Variants in IGDCC3 observed in about 807,000 individuals in gnomAD.
IGDCC3 encodes putative neuronal cell adhesion molecule.
Under a neutral mutation model 72.0 loss-of-function variants are expected in IGDCC3, and 47 were observed. The observed-to-expected ratio is 0.65, with a 90% CI of 0.52 to 0.83. IGDCC3 has a LOEUF of 0.83. IGDCC3 is among the 40% of genes least tolerant of loss of function. The pLI, the probability that IGDCC3 is intolerant of heterozygous loss-of-function variation, is 0.00. For missense variants in IGDCC3, 1,038 were observed against 1,091.3 expected (o/e 0.95, Z 0.69); for synonymous variants, 477 against 472.8 (o/e 1.01, Z -0.11).
intron 2 of IGDCC3, among the ~76,000 whole-genome samples, chr15:65,349,868 G>A (rs2091158275): frequency 1.3e-5 from 2 of 152,208 alleles, no homozygotes; most frequent in Non-Finnish European, 2.9e-5. Context: ...AAATAGAGAT[G>A]GGCCCATCCT....
intron 2 of IGDCC3, among the ~76,000 whole-genome samples, chr15:65,366,786 T>G (rs575805629): frequency 6.6e-4 from 100 of 152,190 alleles, no homozygotes; most frequent in Non-Finnish European, 1.2e-3. Context: ...TTCAGGCCTC[T>G]CTGCTCAGCC....
At chr15:65,341,225 T>C (rs2091078586) in intron 2 of IGDCC3, among the ~76,000 whole-genome samples, 1 of 152,064 alleles carries the variant, frequency 6.6e-6, no homozygotes, top group Non-Finnish European at 1.5e-5. Context: ...ATACAGAAAA[T>C]AGCAACTGTT....
chr15:65,357,933 A>C (rs2140162135), intron 2 of IGDCC3, among the ~76,000 whole-genome samples: 1 of 152,202 alleles, frequency 6.6e-6, no homozygotes, highest in East Asian at 1.9e-4. Context: ...AAAAAGATAA[A>C]AGCTAAGCTG....
chr15:65,338,636 C>T (rs60609857), intron 2 of IGDCC3, among the ~76,000 whole-genome samples: 102 of 152,306 alleles, frequency 6.7e-4, no homozygotes, highest in African/African-American at 2.2e-3. Context: ...CTCCTCCTTC[C>T]CTCCCTTCCT....
Position 65,377,956 on chromosome 15 carries a change from G to C in IGDCC3, c.-168C>G, listed in dbSNP as rs1373782981. ...CCTGCTCAGCAGCGCGGGGGGCGCA[G>C]GGGGAGCGCCGCTTGCGCCATCTTG... On this transcript the variant is annotated 5_prime_UTR_variant, in exon 1 of 14. Coordinates refer to ENST00000327987, the MANE Select transcript of IGDCC3 (RefSeq NM_004884.4). This position sits in a 1 kb window ranked among gnomAD's most constrained non-coding sequence, Gnocchi z 4.9. The C allele has an allele frequency of 5.6e-6, 3 of 537,774 alleles. No individual in the cohort carries two copies. In the African/African-American group the frequency reaches 6.1e-5, roughly 11 times the overall value. 33.3% of individuals were successfully genotyped at this position (537,774 alleles called of 1,614,324 possible). A position where few individuals can be genotyped will look rare whatever the true frequency, so the allele number is the denominator to read the frequency against.
At chr15:65,333,998 C>T (rs2091002761) in intron 5 of IGDCC3, among the ~76,000 whole-genome samples, 1 of 151,828 alleles carries the variant, frequency 6.6e-6, no homozygotes. Flanking sequence ...CCCCCACCCC[C>T]ACCAGGATCA....
At chr15:65,363,649 A>G (rs867210844) in intron 2 of IGDCC3, among the ~76,000 whole-genome samples, 1 of 135,406 alleles carries the variant, frequency 7.4e-6, no homozygotes, top group African/African-American at 3.2e-5. Flanking sequence ...CCTGCTGCCC[A>G]CCCCCGCCAC....
intron 2 of IGDCC3, among the ~76,000 whole-genome samples, chr15:65,351,179 G>T (rs924953773): frequency 2.6e-5 from 4 of 152,194 alleles, no homozygotes; most frequent in Non-Finnish European, 5.9e-5. Context: ...AAGCACAACA[G>T]GTTTTTCTTA....
chr15:65,370,594 A>ATG (rs2091318089), intron 2 of IGDCC3, among the ~76,000 whole-genome samples: 1 of 122,902 alleles, frequency 8.1e-6, no homozygotes, highest in Non-Finnish European at 1.6e-5. Flanking sequence ...GTATGTATAT[A>ATG]TATGTATGTG....
chr15:65,343,387 C>A (rs921937175), intron 2 of IGDCC3, among the ~76,000 whole-genome samples: 1 of 149,876 alleles, frequency 6.7e-6, no homozygotes, highest in Non-Finnish European at 1.5e-5. Context: ...ACTGAATTTG[C>A]AAGGCCTGAA....
intron 2 of IGDCC3, among the ~76,000 whole-genome samples, chr15:65,363,082 A>G (rs2091271393): frequency 6.6e-6 from 1 of 150,402 alleles, no homozygotes; most frequent in South Asian, 2.1e-4. Flanking sequence ...CTGGTCTGGA[A>G]CTCCTGACCT....
chr15:65,369,071 C>T (rs985005661), intron 2 of IGDCC3, among the ~76,000 whole-genome samples: 4 of 152,154 alleles, frequency 2.6e-5, no homozygotes, highest in African/African-American at 9.7e-5. Flanking sequence ...ATGCAAGCAG[C>T]CATCACCAAG....
In IGDCC3 at chr15:65,328,867, G is replaced by A. The variant is rs186443623; in HGVS notation, c.*42C>T. 6.7e-7 allele frequency: 1 copy of A among 1,488,726 alleles called. No homozygotes were observed. Among genetic ancestry groups the A allele is most frequent in the East Asian group, 2.5e-5 (1 of 40,654 alleles). The allele number at this position is 1,488,726 out of a possible 1,614,324, so 92.2% of individuals were successfully genotyped here. ...GAAATCTTGCTTTTGACCTGAGAAT[G>A]GGCCCCGCTCCGTCCACCCTCTGGA... On this transcript the variant is annotated 3_prime_UTR_variant, in exon 14 of 14. Coordinates refer to ENST00000327987, the MANE Select transcript of IGDCC3 (RefSeq NM_004884.4).
intron 6 of IGDCC3, 96 bp from the exon 7 acceptor site, chr15:65,332,202 G>A (rs1004459214): frequency 7.4e-5 from 102 of 1,383,960 alleles, no homozygotes; most frequent in Non-Finnish European, 9.4e-5. Flanking sequence ...AGATACACAG[G>A]GTGAGAGGTG....
intron 2 of IGDCC3, among the ~76,000 whole-genome samples, chr15:65,345,259 T>C (rs2091115583): frequency 6.6e-6 from 1 of 151,774 alleles, no homozygotes; most frequent in Non-Finnish European, 1.5e-5. Flanking sequence ...TCCTAAGAAA[T>C]AGAAGGATGA....
At chr15:65,356,848 C>CTTTTTTTTTTTTTTTTGTTTTTT (rs2091225453) in intron 2 of IGDCC3, among the ~76,000 whole-genome samples, 1 of 70,898 alleles carries the variant, frequency 1.4e-5, no homozygotes, top group African/African-American at 6.7e-5. Flanking sequence ...AATGGACCTG[C>CTTTTTTTTTTTTTTTTGTTTTTT]TTTTTTTTTT....
chr15:65,355,327 TC>T (rs1300997373), intron 2 of IGDCC3, among the ~76,000 whole-genome samples: 2 of 151,578 alleles, frequency 1.3e-5, no homozygotes, highest in South Asian at 2.1e-4. Flanking sequence ...CAGACTCCCA[TC>T]CCCCCCGCTC....
In IGDCC3 at chr15:65,372,454, G is replaced by A. The variant is rs145073387; in HGVS notation, c.409+2643C>T. 5.1e-3 allele frequency among the ~76,000 whole-genome samples: 774 copies of A among 152,276 alleles called. 10 individuals carry two copies. The highest frequency in any genetic ancestry group is 0.016 in the African/African-American group (665 of 41,564). ...AACTGAAGCCCCAAGGAATCAGCCC[G>A]CGGTGTAGCCACCTTGGTCAGGCTG... On this transcript the variant is annotated intron_variant, in intron 2 of 13. Transcript: ENST00000327987.
intron 6 of IGDCC3, among the ~76,000 whole-genome samples, chr15:65,332,550 C>T (rs1177892217): frequency 1.3e-5 from 2 of 152,210 alleles, no homozygotes; most frequent in African/African-American, 4.8e-5. Context: ...GGCCTCAAGC[C>T]TCTATTAAAA....
Sources: allele counts gnomAD v4.1 joint callset (sites outside exome capture counted in the v4.1 genomes callset), GRCh38; gene constraint gnomAD v4.1.1; non-coding constraint Gnocchi (gnomAD v3.1); transcripts MANE v1.5; gene names NCBI Gene and HGNC (gene_info 2026-07-23, HGNC 2026-07-21).